The following NETO2 variants were observed in gnomAD, a reference collection of about 807,000 sequenced individuals.
The protein encoded by NETO2 is neuropilin and tolloid-like protein 2.
Under a neutral mutation model 62.5 loss-of-function variants are expected in NETO2, and 28 were observed. That is an observed-to-expected ratio of 0.45 (90% confidence interval 0.33 to 0.61). The LOEUF is 0.61. Among genes scored for constraint, NETO2 ranks in the 20% least tolerant of loss-of-function variants. The probability of loss-of-function intolerance (pLI) is 0.02; values close to 1 mark genes in which losing one functional copy is unlikely to be tolerated. For synonymous variants in NETO2, 214 were observed against 219.1 expected (o/e 0.98, Z 0.21); for missense variants, 548 against 643.2 (o/e 0.85, Z 1.60).
chr16:47,128,597 C>A lies in NETO2; in HGVS notation c.233-24G>T, dbSNP rs750770880. The A allele has an allele frequency of 2.5e-6, 4 of 1,599,212 alleles. No individual in the cohort carries two copies. The African/African-American group carries it at 5.4e-5, about 21-fold the overall frequency. On this transcript the variant is annotated intron_variant, in intron 3 of 8. Transcript: ENST00000562435. The stretch of plus-strand genomic sequence containing the variant: ...AGCTAGAAAATAAGAGTAAGCAAAT[C>A]AGGACAACACAAACAAGAAAGAATA...
chr16:47,094,168 T>C lies in NETO2; in HGVS notation c.884-7829A>G, dbSNP rs547197723. On this transcript the variant is annotated intron_variant, in intron 7 of 8. Transcript: ENST00000562435. ...TTCAAGTAAAAAAATGATGGTATTT[T>C]GGAAAGCAGATTTTGCCAAAGCTAC... 2.0e-5 allele frequency among the ~76,000 whole-genome samples: 3 copies of C among 152,032 alleles called. No individual in the cohort carries two copies. In the South Asian group the frequency reaches 6.2e-4, roughly 32 times the overall value.
intron 7 of NETO2, among the ~76,000 whole-genome samples, chr16:47,106,509 T>G (rs1433453829): frequency 3.3e-5 from 5 of 152,100 alleles, no homozygotes; most frequent in Admixed American, 6.5e-5. Flanking sequence ...TCCGGAAGGG[T>G]TTTTGGCAAT....
intron 1 of NETO2, among the ~76,000 whole-genome samples, chr16:47,140,914 G>A (rs1024941028): frequency 6.6e-6 from 1 of 152,206 alleles, no homozygotes; most frequent in Admixed American, 6.5e-5. Flanking sequence ...TGAAGCAAGT[G>A]TGCAGAATAA....
chr16:47,142,299 TAG>T (rs759235270), intron 1 of NETO2, among the ~76,000 whole-genome samples: 3 of 152,220 alleles, frequency 2.0e-5, no homozygotes, highest in East Asian at 3.8e-4. Flanking sequence ...TAGAAAGTCC[TAG>T]GTTACCTTAG....
At position 47,081,672 on chromosome 16, in the gene NETO2, A is replaced by G. The variant is rs1963062960; in HGVS notation, c.*1549T>C. The G allele has an allele frequency of 6.6e-6, 1 of 152,572 alleles. No homozygotes were observed. Among genetic ancestry groups the G allele is most frequent in the African/African-American group, 2.4e-5 (1 of 41,452 alleles). 9.5% of individuals were successfully genotyped at this position (152,572 alleles called of 1,614,324 possible). A position where few individuals can be genotyped will look rare whatever the true frequency, so the allele number is the denominator to read the frequency against. On this transcript the variant is annotated 3_prime_UTR_variant, in exon 9 of 9. Transcript: ENST00000562435. Reference sequence around the variant, plus strand: ...GAGAATTTACTAACAAAATATAGAAAACAAGAATTTACCTCTTTTAAATGG... The same window carrying G: ...GAGAATTTACTAACAAAATATAGAAGACAAGAATTTACCTCTTTTAAATGG...
chr16:47,139,595 A>C (rs954535851), intron 1 of NETO2, among the ~76,000 whole-genome samples: 1 of 152,228 alleles, frequency 6.6e-6, no homozygotes, highest in Non-Finnish European at 1.5e-5. Context: ...ATACTATTTG[A>C]CATGGCAGTC....
At chr16:47,110,101 C>T (rs771237957) in intron 6 of NETO2, among the ~76,000 whole-genome samples, 1 of 152,158 alleles carries the variant, frequency 6.6e-6, no homozygotes, top group Admixed American at 6.5e-5. Context: ...TCTTTTCACT[C>T]TTTCTGCACA....
At chr16:47,137,954 C>G (rs566681270) in intron 1 of NETO2, among the ~76,000 whole-genome samples, 44 of 152,314 alleles carry the variant, frequency 2.9e-4, no homozygotes, top group African/African-American at 9.6e-4. Context: ...TTCTGTCTCA[C>G]TACCCAGCTG....
chr16:47,090,066 A>G (rs1401344033), intron 7 of NETO2, among the ~76,000 whole-genome samples: 1 of 152,156 alleles, frequency 6.6e-6, no homozygotes, highest in Non-Finnish European at 1.5e-5. Flanking sequence ...TTCATGAATA[A>G]AACTACCATT....
At chr16:47,092,519 G>C (rs1212609254) in intron 7 of NETO2, among the ~76,000 whole-genome samples, 1 of 152,150 alleles carries the variant, frequency 6.6e-6, no homozygotes, top group East Asian at 1.9e-4. Flanking sequence ...GACGGGCCAT[G>C]TTATAAGTGC....
chr16:47,080,371 G>A lies in NETO2; in HGVS notation c.*2850C>T, dbSNP rs574542917. On this transcript the variant is annotated 3_prime_UTR_variant, in exon 9 of 9. Transcript: ENST00000562435. Reference sequence around the variant, plus strand: ...TGTGTTCAACACTGGGACACTGTGTGGGGTACCCTGCGTGACAGTTAATAC... The same window carrying A: ...TGTGTTCAACACTGGGACACTGTGTAGGGTACCCTGCGTGACAGTTAATAC... 1.2e-4 allele frequency: 18 copies of A among 152,278 alleles called. No individual in the cohort carries two copies. In the East Asian group the frequency reaches 3.3e-3, roughly 28 times the overall value. 9.4% of individuals were successfully genotyped at this position (152,278 alleles called of 1,614,324 possible).
chr16:47,142,387 A>G (rs1395617443), intron 1 of NETO2, among the ~76,000 whole-genome samples: 1 of 152,232 alleles, frequency 6.6e-6, no homozygotes, highest in Non-Finnish European at 1.5e-5. Context: ...GAATTTAGGA[A>G]TATGTGGAGA....
intron 8 of NETO2, 71 bp from the exon 9 acceptor site, chr16:47,083,872 G>A: frequency 8.6e-7 from 1 of 1,156,874 alleles, no homozygotes; most frequent in South Asian, 1.6e-5. Flanking sequence ...AAATTAGTAA[G>A]GTATTTTTAG....
At chr16:47,116,607 G>T (rs942774420) in intron 6 of NETO2, among the ~76,000 whole-genome samples, 2 of 152,082 alleles carry the variant, frequency 1.3e-5, no homozygotes, top group South Asian at 4.2e-4. Context: ...TTGTCTGTTG[G>T]TATCAGGGTA....
intron 7 of NETO2, among the ~76,000 whole-genome samples, chr16:47,087,716 A>G (rs544086079): frequency 6.6e-6 from 1 of 152,160 alleles, no homozygotes; most frequent in Non-Finnish European, 1.5e-5. Context: ...ACTTGTATAA[A>G]TTGTTCTTTC....
At chr16:47,117,555 C>A (rs946794249) in intron 6 of NETO2, among the ~76,000 whole-genome samples, 1 of 152,078 alleles carries the variant, frequency 6.6e-6, no homozygotes, top group African/African-American at 2.4e-5. Flanking sequence ...TCAATCTTTT[C>A]CCCTCTGTAC....
intron 6 of NETO2, among the ~76,000 whole-genome samples, chr16:47,111,008 T>G (rs772189519): frequency 6.6e-6 from 1 of 152,238 alleles, no homozygotes; most frequent in Non-Finnish European, 1.5e-5. Flanking sequence ...TGCGTGTATT[T>G]TAACAAAGAA....
intron 6 of NETO2, among the ~76,000 whole-genome samples, chr16:47,113,940 T>A (rs1010600483): frequency 2.6e-5 from 4 of 152,210 alleles, no homozygotes; most frequent in African/African-American, 4.8e-5. Context: ...TAGTTTTTGG[T>A]TATTACAGAT....
chr16:47,129,377 C>T lies in NETO2; in HGVS notation c.92-13G>A, dbSNP rs376242914. On this transcript the variant is annotated splice_polypyrimidine_tract_variant and intron_variant, in intron 2 of 8. Coordinates refer to ENST00000562435, the MANE Select transcript of NETO2 (RefSeq NM_018092.5). ...ATATTTTGTCCATCTTAGGGAAAAA[C>T]GGCATTTAAAACACTCATTACAGCA... 121 of 1,612,478 alleles carry T rather than the reference C, an allele frequency of 7.5e-5. No individual in the cohort carries two copies. Among genetic ancestry groups the T allele is most frequent in the Middle Eastern group, 1.6e-4 (1 of 6,078 alleles).
Sources: allele counts gnomAD v4.1 joint callset (sites outside exome capture counted in the v4.1 genomes callset), GRCh38; gene constraint gnomAD v4.1.1; transcripts MANE v1.5; gene names NCBI Gene and HGNC (gene_info 2026-07-23, HGNC 2026-07-21).